Variants in TCHH observed in about 807,000 individuals in gnomAD.
TCHH encodes trichohyalin.
In TCHH, 6 loss-of-function variants were observed where a neutral mutation model predicts 6.3. The ratio of observed to expected loss-of-function variants is 0.95; its 90% CI spans 0.52 to 1.88. TCHH has a LOEUF of 1.88. Ranked by LOEUF, TCHH falls within the 40% of genes most tolerant of loss-of-function variation. The pLI is 0.01. For synonymous variants in TCHH, 1,087 were observed against 963.6 expected (o/e 1.13, Z -2.37); for missense variants, 2,920 against 2,449.1 (o/e 1.19, Z -4.06).
At position 152,107,470 on chromosome 1, in the gene TCHH, C is replaced by T; in HGVS notation, c.5747G>A (p.Gly1916Asp). The change falls in exon 3 of 3, where the codon GGC becomes GAC. Residue 1916 changes from glycine to aspartate, a missense_variant. By Grantham distance (94) the Gly-to-Asp change is moderately conservative. Transcript: ENST00000614923. ...TGGGACACTGGCAAACTGATGAGTG[C>T]CGGGCTCCAGAAGCCGCCCATGGCC... ...GKGHGRLLEP[G>D]THQFASVPVR... is the part of the protein sequence containing the mutation. The T allele has an allele frequency of 6.2e-7, 1 of 1,614,092 alleles. No individual in the cohort carries two copies. The highest frequency in any genetic ancestry group is 8.5e-7 in the Non-Finnish European group (1 of 1,179,968).
chr1:152,113,468 T>C (rs1332474873), intron 2 of TCHH, among the ~76,000 whole-genome samples: 1 of 152,202 alleles, frequency 6.6e-6, no homozygotes. Flanking sequence ...TTCGCTTTAA[T>C]TGAGAAAGAA....
Position 152,107,651 on chromosome 1 carries a change from TCTC to T in TCHH, c.5563_5565del (p.Glu1855del), listed in dbSNP as rs760802003. On this transcript the variant is annotated inframe_deletion, in exon 3 of 3. Transcript: ENST00000614923. Reference sequence around the variant, plus strand: ...AGTTCTTGTTCCTCACGACGACTCTTCTCCTGCGTGGCAAACTGCTCCTCCGCC... The same window carrying T: ...AGTTCTTGTTCCTCACGACGACTCTTCTGCGTGGCAAACTGCTCCTCCGCC... 74 of 1,613,954 alleles carry T rather than the reference TCTC, an allele frequency of 4.6e-5. No homozygotes were observed. Among genetic ancestry groups the T allele is most frequent in the South Asian group, 1.3e-4 (12 of 91,076 alleles).
At position 152,111,767 on chromosome 1, in the gene TCHH, TCTC is replaced by T. The variant is rs753310394; in HGVS notation, c.1447_1449del (p.Glu483del). 104 of 1,547,926 alleles carry T rather than the reference TCTC, an allele frequency of 6.7e-5. No individual in the cohort carries two copies. The highest frequency in any genetic ancestry group is 7.7e-5 in the African/African-American group (5 of 64,598). On this transcript the variant is annotated inframe_deletion, in exon 3 of 3. Coordinates refer to ENST00000614923, the MANE Select transcript of TCHH (RefSeq NM_007113.4). ...TCGAGCTTCAGCCAACGTTCGCGCC[TCTC>T]CTCCTCCTGGTCGCGCTTCAGCTGC...
rs1265026302 is a variant in TCHH, at chr1:152,110,989, T to C, written c.2228A>G (p.Glu743Gly). ...QEQEEKRRRR[E>G]SELQWQEEER... ...CTCCTCCTGCCATTGCAGCTCACTCTCCCGGCGCCGCCTCTTTTCCTCCTG... is the reference window on the plus strand; with the variant it reads ...CTCCTCCTGCCATTGCAGCTCACTCCCCCGGCGCCGCCTCTTTTCCTCCTG... The change falls in exon 3 of 3, where the codon GAG becomes GGG. Residue 743 changes from glutamate (E) to glycine (G), a missense_variant. Physicochemically the swap from Glu to Gly is moderately conservative, Grantham distance 98. Coordinates refer to ENST00000614923, the MANE Select transcript of TCHH (RefSeq NM_007113.4). The C allele has an allele frequency of 6.2e-7, 1 of 1,613,298 alleles. No homozygotes were observed. The highest frequency in any genetic ancestry group is 8.5e-7 in the Non-Finnish European group (1 of 1,179,956).
chr1:152,113,134 T>C, intron 2 of TCHH, 56 bp from the exon 3 acceptor site: 1 of 1,447,222 alleles, frequency 6.9e-7, no homozygotes, highest in Non-Finnish European at 9.3e-7. Context: ...GGTGGTAAAA[T>C]TATATTCACA....
Position 152,109,161 on chromosome 1 carries a change from C to T in TCHH, c.4056G>A (p.Pro1352=), listed in dbSNP as rs2101526063. 1.2e-6 allele frequency: 2 copies of T among 1,613,762 alleles called. No homozygotes were observed. Among genetic ancestry groups the T allele is most frequent in the Middle Eastern group, 1.6e-4 (1 of 6,062 alleles). The part of the protein sequence containing the change: ...EQLLQEREEQ[P]LRRQERDRKF... Reference sequence around the variant, plus strand: ...TTCTGTCACGCTCTTGGCGGCGCAGCGGCTGTTCCTCCCTTTCCTGGAGCA... The same window carrying T: ...TTCTGTCACGCTCTTGGCGGCGCAGTGGCTGTTCCTCCCTTTCCTGGAGCA... Residue 1352 remains proline (P), a synonymous_variant, in exon 3 of 3, where the codon CCG becomes CCA. Coordinates refer to ENST00000614923, the MANE Select transcript of TCHH (RefSeq NM_007113.4).
Position 152,110,702 on chromosome 1 carries a change from G to T in TCHH, c.2515C>A (p.Gln839Lys). Residue 839 changes from glutamine to lysine, a missense_variant, in exon 3 of 3, where the codon CAG (glutamine) becomes AAG (lysine). Transcript: ENST00000614923. ...TGGGCACGCTCCCGCCGCTGGAGCT[G>T]CTCCTCTTCCTCCAGGAACTGCAGC... ...KELQFLEEEE[Q>K]LQRRERAQQL... 6.2e-7 allele frequency: 1 copy of T among 1,612,250 alleles called. No individual in the cohort carries two copies. The highest frequency in any genetic ancestry group is 2.2e-5 in the East Asian group (1 of 44,862).
In TCHH at chr1:152,113,028, A is replaced by C; in HGVS notation, c.189T>G (p.Leu63=). ...TVDLILELLD[L]DSNGRVDFNE... ...TGAAATCGACACGCCCATTACTGTC[A>C]AGATCCAGAAGTTCCAGGATCAGAT... Residue 63 remains leucine (L), a synonymous_variant, in exon 3 of 3, where the codon CTT becomes CTG. Transcript: ENST00000614923. The C allele has an allele frequency of 6.2e-7, 1 of 1,613,962 alleles. No individual in the cohort carries two copies. The highest frequency in any genetic ancestry group is 1.3e-5 in the African/African-American group (1 of 75,022).
rs773192187 is a variant in TCHH, at chr1:152,109,379, C to T, written c.3838G>A (p.Glu1280Lys). 8 of 1,614,130 alleles carry T rather than the reference C, an allele frequency of 5.0e-6. No individual in the cohort carries two copies. In the South Asian group the frequency reaches 5.5e-5, roughly 11 times the overall value. Residue 1280 changes from glutamate to lysine, a missense_variant, in exon 3 of 3, where the codon GAG becomes AAG. Physicochemically the swap from Glu to Lys is moderately conservative, Grantham distance 56. Coordinates refer to ENST00000614923, the MANE Select transcript of TCHH (RefSeq NM_007113.4). ...TGCTGCCAGCGCCTCCTCTCTTGCT[C>T]ACGATCTCGCTCTTGCTGTTCACCC... ...LLGEQQERDR[E>K]QERRRWQQRD...
chr1:152,112,445 C>T lies in TCHH; in HGVS notation c.772G>A (p.Glu258Lys), dbSNP rs754243055. 5 of 1,613,720 alleles carry T rather than the reference C, an allele frequency of 3.1e-6. No individual in the cohort carries two copies. Among genetic ancestry groups the T allele is most frequent in the East Asian group, 4.5e-5 (2 of 44,862 alleles). Residue 258 changes from glutamate (E) to lysine (K), a missense_variant, in exon 3 of 3, where the codon GAG (glutamate) becomes AAG (lysine). Transcript: ENST00000614923. Reference protein sequence around the residue: ...KRETVLRKEEEKLQEEEPQRQ... With the variant: ...KRETVLRKEEKKLQEEEPQRQ... ...TGCGGCTCCTCTTCCTGCAACTTCT[C>T]TTCTTCCTTCCGGAGCACTGTCTCG...
In TCHH at chr1:152,110,639, G is replaced by A. The variant is rs1658305675; in HGVS notation, c.2578C>T (p.Gln860Ter). 6.2e-7 allele frequency: 1 copy of A among 1,613,966 alleles called. No homozygotes were observed. The highest frequency in any genetic ancestry group is 1.3e-5 in the African/African-American group (1 of 75,026). Reference protein sequence around the residue: ...QEEEDGLQEDQERRRSQEQRR... With the variant: ...QEEEDGLQED ...TGCTCCTGGCTTCGCCTCCTCTCCT[G>A]ATCCTCCTGGAGGCCGTCCTCCTCC... Residue 860 changes from glutamine (Q) to a stop codon, truncating the protein, a stop_gained, in exon 3 of 3, where the codon CAG (glutamine) becomes TAG (stop). Transcript: ENST00000614923. LOFTEE classifies it low-confidence loss of function (END_TRUNC).
Position 152,111,572 on chromosome 1 carries a change from GCTGCTCGCGCCTCTCCTC to G in TCHH, c.1627_1644del (p.Glu543_Gln548del). On this transcript the variant is annotated inframe_deletion, in exon 3 of 3. Transcript: ENST00000614923. ...CTCTTCTCCTCCTCGCGCTTCAGCA[GCTGCTCGCGCCTCTCCTC>G]CTGCTCGCGTCTTAGTTGTTGCTCG... 1 of 1,593,774 alleles carries G rather than the reference GCTGCTCGCGCCTCTCCTC, an allele frequency of 6.3e-7. No individual in the cohort carries two copies. The highest frequency in any genetic ancestry group is 8.6e-7 in the Non-Finnish European group (1 of 1,167,958).
At position 152,111,028 on chromosome 1, in the gene TCHH, C is replaced by T; in HGVS notation, c.2189G>A (p.Arg730Lys). 6.2e-7 allele frequency: 1 copy of T among 1,613,600 alleles called. No homozygotes were observed. Reference sequence around the variant, plus strand: ...CTTTTCCTCCTGCTCTTGGCGGCGCCTCTGCCCTTCCTGCTTGCGGGGCCT... The same window carrying T: ...CTTTTCCTCCTGCTCTTGGCGGCGCTTCTGCCCTTCCTGCTTGCGGGGCCT... Reference protein sequence around the residue: ...YSRPRKQEGQRRRQEQEEKRR... With the variant: ...YSRPRKQEGQKRRQEQEEKRR... The change falls in exon 3 of 3, where the codon AGG becomes AAG. Residue 730 changes from arginine (R) to lysine (K), a missense_variant. Coordinates refer to ENST00000614923, the MANE Select transcript of TCHH (RefSeq NM_007113.4).
chr1:152,107,523 G>T lies in TCHH; in HGVS notation c.5694C>A (p.Val1898=). 1 of 1,614,208 alleles carries T rather than the reference G, an allele frequency of 6.2e-7. No homozygotes were observed. The highest frequency in any genetic ancestry group is 1.3e-5 in the African/African-American group (1 of 75,044). ...TCCCTTCTTGGGATTTTATCTCCCC[G>T]ACTTGGCGGTGCCTCTGTTCCTCCT... ...QQKEEQRHRQ[V]GEIKSQEGKG... is the part of the protein sequence containing the mutation. Residue 1898 remains valine (V), a synonymous_variant, in exon 3 of 3, where the codon GTC becomes GTA. Coordinates refer to ENST00000614923, the MANE Select transcript of TCHH (RefSeq NM_007113.4).
Position 152,109,439 on chromosome 1 carries a change from C to T in TCHH, c.3778G>A (p.Asp1260Asn), listed in dbSNP as rs201559325. The change falls in exon 3 of 3, where the codon GAC (aspartate) becomes AAC (asparagine). Residue 1260 changes from aspartate to asparagine, a missense_variant. Coordinates refer to ENST00000614923, the MANE Select transcript of TCHH (RefSeq NM_007113.4). ...TGCAGATCTTGCTGGGATTGTCTGTCGCGCAGCTGGGAATCTTCCAACTGC... is the reference window on the plus strand; with the variant it reads ...TGCAGATCTTGCTGGGATTGTCTGTTGCGCAGCTGGGAATCTTCCAACTGC... ...FRQLEDSQLR[D>N]RQSQQDLQHL... The T allele has an allele frequency of 6.2e-7, 1 of 1,613,742 alleles. No individual in the cohort carries two copies. Among genetic ancestry groups the T allele is most frequent in the Non-Finnish European group, 8.5e-7 (1 of 1,179,668 alleles).
chr1:152,107,846 G>C lies in TCHH; in HGVS notation c.5371C>G (p.Gln1791Glu), dbSNP rs1170526114. Residue 1791 changes from glutamine (Q) to glutamate (E), a missense_variant, in exon 3 of 3, where the codon CAA becomes GAA. Gln to Glu is a conservative substitution (Grantham distance 29). Transcript: ENST00000614923. Reference sequence around the variant, plus strand: ...TCGCGGAATTTTCTGTCAGACTCTTGGCTGCGCAGCTGCTGTTCCTCCCTC... The same window carrying C: ...TCGCGGAATTTTCTGTCAGACTCTTCGCTGCGCAGCTGCTGTTCCTCCCTC... ...QEREEQQLRS[Q>E]ESDRKFREEE... is the part of the protein sequence containing the mutation. The C allele has an allele frequency of 4.3e-6, 7 of 1,613,966 alleles. No individual in the cohort carries two copies. The highest frequency in any genetic ancestry group is 1.3e-5 in the African/African-American group (1 of 74,996).
rs1402819677 is a variant in TCHH at position 152,111,019 on chromosome 1, T to G, written c.2198A>C (p.Gln733Pro). The stretch of plus-strand genomic sequence containing the variant: ...GCGCCGCCTCTTTTCCTCCTGCTCT[T>G]GGCGGCGCCTCTGCCCTTCCTGCTT... The part of the protein sequence containing the change: ...PRKQEGQRRR[Q>P]EQEEKRRRRE... The change falls in exon 3 of 3, where the codon CAA becomes CCA. Residue 733 changes from glutamine (Q) to proline (P), a missense_variant. Transcript: ENST00000614923. 6.2e-7 allele frequency: 1 copy of G among 1,613,590 alleles called. No homozygotes were observed. Among genetic ancestry groups the G allele is most frequent in the East Asian group, 2.2e-5 (1 of 44,846 alleles).
Position 152,110,269 on chromosome 1 carries a change from C to G in TCHH, c.2948G>C (p.Arg983Pro). 2 of 1,611,198 alleles carry G rather than the reference C, an allele frequency of 1.2e-6. No individual in the cohort carries two copies. Among genetic ancestry groups the G allele is most frequent in the South Asian group, 1.1e-5 (1 of 90,840 alleles). ...GCGGTATTTTTTCTCCCGCTCCTGG[C>G]GCCTTCTCTTCTCCGGTTCCTCTCC... ...LLGEEPEKRRRQEREKKYREE... is the reference protein window; with the variant it reads ...LLGEEPEKRRPQEREKKYREE... The change falls in exon 3 of 3, where the codon CGC (arginine) becomes CCC (proline). Residue 983 changes from arginine to proline, a missense_variant. Arg to Pro is a moderately radical substitution (Grantham distance 103). Coordinates refer to ENST00000614923, the MANE Select transcript of TCHH (RefSeq NM_007113.4).
rs375240460 is a variant in TCHH at position 152,109,447 on chromosome 1, T to C, written c.3770A>G (p.Gln1257Arg). ...TTGCTGGGATTGTCTGTCGCGCAGCTGGGAATCTTCCAACTGCCGGAACTG... is the reference window on the plus strand; with the variant it reads ...TTGCTGGGATTGTCTGTCGCGCAGCCGGGAATCTTCCAACTGCCGGAACTG... The part of the protein sequence containing the change: ...NEQFRQLEDS[Q>R]LRDRQSQQDL... Residue 1257 changes from glutamine (Q) to arginine (R), a missense_variant, in exon 3 of 3, where the codon CAG becomes CGG. Physicochemically the swap from Gln to Arg is conservative, Grantham distance 43. Transcript: ENST00000614923. The C allele has an allele frequency of 6.2e-7, 1 of 1,614,294 alleles. No individual in the cohort carries two copies. The highest frequency in any genetic ancestry group is 2.2e-5 in the East Asian group (1 of 44,888).
Sources: gnomAD v4.1 joint callset for allele counts (sites outside exome capture counted in the v4.1 genomes callset) on GRCh38, gnomAD v4.1.1 for gene constraint, MANE v1.5 for transcripts, NCBI Gene and HGNC (gene_info 2026-07-23, HGNC 2026-07-21) for gene names.